Variants in INTS6 observed in about 807,000 individuals in gnomAD.
INTS6 encodes DEAD box protein.
INTS6 carries 16 observed loss-of-function variants against 104.9 expected under a neutral mutation model. The observed-to-expected ratio is 0.15, with a 90% confidence interval of 0.10 to 0.23. The LOEUF (loss-of-function observed/expected upper bound fraction) is 0.23. Among genes scored for constraint, INTS6 ranks in the 10% least tolerant of loss-of-function variants. INTS6 has a pLI of 1.00. For missense variants in INTS6, 584 were observed against 1,062.8 expected, an observed-to-expected ratio of 0.55 and a Z score of 6.26; for synonymous variants, 324 against 358.7, an observed-to-expected ratio of 0.90 and a Z score of 1.09.
intron 4 of INTS6, among the ~76,000 whole-genome samples, chr13:51,421,741 A>C (rs1956899048): frequency 6.6e-6 from 1 of 152,296 alleles, no homozygotes; most frequent in African/African-American, 2.4e-5. Flanking sequence ...GAAATCTGAC[A>C]TGGAGAAGCA....
intron 3 of INTS6, chr13:51,439,016 A>G (rs1243150074): frequency 1.3e-5 from 2 of 152,230 alleles, no homozygotes; most frequent in African/African-American, 4.8e-5. Context: ...CAGAATAACC[A>G]AAAGACTGTT....
intron 17 of INTS6, among the ~76,000 whole-genome samples, chr13:51,367,330 C>T (rs908179087): frequency 2.0e-5 from 3 of 151,912 alleles, no homozygotes; most frequent in Admixed American, 1.3e-4. Flanking sequence ...GAATGTGGAA[C>T]CCAGGGATAC....
intron 12 of INTS6, among the ~76,000 whole-genome samples, chr13:51,376,626 C>T (rs1949178283): frequency 6.6e-6 from 1 of 152,160 alleles, no homozygotes; most frequent in African/African-American, 2.4e-5. Flanking sequence ...GTTGTACCCA[C>T]TTGCAGTCAA....
chr13:51,448,683 A>G (rs528476807), intron 3 of INTS6: 1 of 152,340 alleles, frequency 6.6e-6, no homozygotes, highest in Admixed American at 6.5e-5. Flanking sequence ...AAATATATAT[A>G]TTAACCCAGA....
At chr13:51,360,037 T>C (rs1031322423), downstream of INTS6, among the ~76,000 whole-genome samples, 2 of 152,194 alleles carry the variant, frequency 1.3e-5, no homozygotes, top group East Asian at 3.9e-4. Context: ...ACAGTGAATA[T>C]AGCCAACTCC....
rs1438999901 is a variant in INTS6, at chr13:51,362,934, A to C, written c.*2818T>G. ...ACAGAGTATGTCTTCCTAGTATTTC[A>C]CCATGATCATCCCAACCACATAACG... On this transcript the variant is annotated 3_prime_UTR_variant, in exon 18 of 18. Transcript: ENST00000311234. The C allele has an allele frequency of 6.6e-6, 1 of 152,192 alleles. No individual in the cohort carries two copies. The highest frequency in any genetic ancestry group is 1.5e-5 in the Non-Finnish European group (1 of 67,890). 9.4% of individuals were successfully genotyped at this position (152,192 alleles called of 1,614,324 possible).
Position 51,451,460 on chromosome 13 carries a change from A to T in INTS6, c.190-286T>A, listed in dbSNP as rs369702902. The T allele has an allele frequency of 2.0e-4, 38 of 192,264 alleles. No individual in the cohort carries two copies. In the East Asian group the frequency reaches 4.4e-3, roughly 22 times the overall value. 11.9% of individuals were successfully genotyped at this position (192,264 alleles called of 1,614,324 possible). ...CAAAATTTGGGTATGTGAAGGTACT[A>T]GTGGAAGCAGATGGGAGCCGGACTT... On this transcript the variant is annotated intron_variant, in intron 2 of 17. Transcript: ENST00000311234.
intron 11 of INTS6, among the ~76,000 whole-genome samples, chr13:51,378,745 T>C (rs111713741): frequency 0.011 from 1,731 of 152,120 alleles, 26 homozygotes; most frequent in East Asian, 0.071. Context: ...GAAATATAAA[T>C]GCACACTAAA....
intron 4 of INTS6, among the ~76,000 whole-genome samples, chr13:51,403,452 C>T (rs1425109536): frequency 6.6e-6 from 1 of 151,744 alleles, no homozygotes; most frequent in African/African-American, 2.4e-5. Flanking sequence ...CGTGGTGGCA[C>T]GTGCCCGTAG....
intron 10 of INTS6, among the ~76,000 whole-genome samples, chr13:51,381,574 T>G (rs1421136508): frequency 6.6e-6 from 1 of 152,198 alleles, no homozygotes; most frequent in Non-Finnish European, 1.5e-5. Flanking sequence ...AAACCTCTCT[T>G]TACCTTTATA....
intron 4 of INTS6, among the ~76,000 whole-genome samples, chr13:51,414,833 T>TACACACACACAC (rs151197136): frequency 1.1e-3 from 164 of 143,042 alleles, no homozygotes; most frequent in African/African-American, 3.4e-3. Context: ...AGTTCTTCTA[T>TACACACACACAC]ACACACACAC....
chr13:51,433,060 A>C (rs1031477638), intron 3 of INTS6, among the ~76,000 whole-genome samples: 6 of 152,214 alleles, frequency 3.9e-5, no homozygotes, highest in Non-Finnish European at 2.9e-5. Flanking sequence ...GGTGCCTTTC[A>C]AAAAAAAATC....
At chr13:51,369,440 T>C (rs1212764250) in intron 15 of INTS6, 130 bp from the exon 16 acceptor site, 1 of 888,512 alleles carries the variant, frequency 1.1e-6, no homozygotes, top group Non-Finnish European at 1.7e-6. Context: ...ACAAATAATG[T>C]GATATAGTTT....
At chr13:51,433,225 C>T (rs1957128826) in intron 3 of INTS6, among the ~76,000 whole-genome samples, 1 of 152,180 alleles carries the variant, frequency 6.6e-6, no homozygotes, top group African/African-American at 2.4e-5. Flanking sequence ...ACGCGGATCA[C>T]TTGATGTCAG....
intron 4 of INTS6, among the ~76,000 whole-genome samples, chr13:51,406,973 C>A (rs901246287): frequency 1.1e-4 from 16 of 148,002 alleles, no homozygotes; most frequent in African/African-American, 3.8e-4. Flanking sequence ...GACAATTGTT[C>A]TTCCTTCCAA....
At chr13:51,415,199 C>T (rs1158192378) in intron 4 of INTS6, among the ~76,000 whole-genome samples, 1 of 151,870 alleles carries the variant, frequency 6.6e-6, no homozygotes, top group Non-Finnish European at 1.5e-5. Context: ...TTAAAAATCT[C>T]TCTATTTGAA....
At chr13:51,375,745 G>A (rs927406838) in intron 13 of INTS6, among the ~76,000 whole-genome samples, 4 of 148,870 alleles carry the variant, frequency 2.7e-5, no homozygotes, top group Non-Finnish European at 5.9e-5. Context: ...GTGTGTGTGT[G>A]TGTGTGTGTG....
chr13:51,428,714 A>T (rs1185986611), intron 4 of INTS6, among the ~76,000 whole-genome samples: 1 of 152,172 alleles, frequency 6.6e-6, no homozygotes, highest in Admixed American at 6.5e-5. Context: ...CATGTCAACT[A>T]ATCTAACAAA....
At chr13:51,409,307 ATAATAATAG>A (rs1956639192) in intron 4 of INTS6, among the ~76,000 whole-genome samples, 2 of 126,276 alleles carry the variant, frequency 1.6e-5, no homozygotes, top group African/African-American at 2.9e-5. Context: ...AATAATAATA[ATAATAATAG>A]TATAACTTCA....
Sources: gnomAD v4.1 joint callset for allele counts (sites outside exome capture counted in the v4.1 genomes callset) on GRCh38, gnomAD v4.1.1 for gene constraint, MANE v1.5 for transcripts, NCBI Gene and HGNC (gene_info 2026-07-23, HGNC 2026-07-21) for gene names.